The following MYZAP variants were observed in gnomAD, a reference collection of about 807,000 sequenced individuals.
The protein encoded by MYZAP is GRINL1A complex locus upstream.
MYZAP carries 66 observed loss-of-function variants against 69.4 expected under a neutral mutation model. The ratio of observed to expected loss-of-function variants is 0.95; its 90% CI spans 0.78 to 1.17. MYZAP has a LOEUF of 1.17. Among genes scored for constraint, MYZAP ranks in the 50% most tolerant of loss-of-function variants. The probability of loss-of-function intolerance (pLI) is 0.00; values close to 1 mark genes in which losing one functional copy is unlikely to be tolerated. For synonymous variants in MYZAP, 256 were observed against 205.9 expected (o/e 1.24, Z -2.09); for missense variants, 611 against 556.2 (o/e 1.10, Z -0.99).
rs190415063 is a variant in MYZAP at position 57,664,218 on chromosome 15, T to A, written c.1203+2685T>A. On this transcript the variant is annotated intron_variant, in intron 11 of 12. Transcript: ENST00000267853. ...GGATACCTTCTCTAAATTGCTAAGATTAGAGGATGTGGGTTACATAGGTTC... is the reference window on the plus strand; with the variant it reads ...GGATACCTTCTCTAAATTGCTAAGAATAGAGGATGTGGGTTACATAGGTTC... Among the ~76,000 whole-genome samples, 4 of 152,206 alleles carry A rather than the reference T, an allele frequency of 2.6e-5. No individual in the cohort carries two copies. In the East Asian group the frequency reaches 7.7e-4, roughly 29 times the overall value.
intron 9 of MYZAP, 111 bp from the exon 10 acceptor site, chr15:57,639,329 G>A: frequency 2.6e-6 from 3 of 1,173,818 alleles, no homozygotes; most frequent in Non-Finnish European, 3.6e-6. Flanking sequence ...TTACAGGCAT[G>A]AGCCGCCATG....
At chr15:57,655,523 C>T (rs1359730562) in intron 10 of MYZAP, among the ~76,000 whole-genome samples, 1 of 152,100 alleles carries the variant, frequency 6.6e-6, no homozygotes, top group Non-Finnish European at 1.5e-5. Context: ...CCATGGGTTT[C>T]CAGCGTGTGG....
chr15:57,632,561 T>C lies in MYZAP; in HGVS notation c.804+2T>C, dbSNP rs1453814691. 4.3e-6 allele frequency: 7 copies of C among 1,613,676 alleles called. No homozygotes were observed. Among genetic ancestry groups the C allele is most frequent in the African/African-American group, 4.0e-5 (3 of 74,908 alleles). ...AGTGCTGAGAAGGAGGCTCTTTTGG[T>C]GTGTGTGTTGTAGCTGCCGATGTAA... On this transcript the variant is annotated splice_donor_variant, in intron 7 of 12. Transcript: ENST00000267853. LOFTEE classifies it high-confidence loss of function.
At position 57,595,795 on chromosome 15, in the gene MYZAP, A is replaced by T. The variant is rs2034019372; in HGVS notation, c.75+3686A>T. ...AAACCCAACAAGGTCACAGGATAGGACTATCTCCTAGCCTGCCCTTGCTGA... is the reference window on the plus strand; with the variant it reads ...AAACCCAACAAGGTCACAGGATAGGTCTATCTCCTAGCCTGCCCTTGCTGA... On this transcript the variant is annotated intron_variant, in intron 1 of 12. Transcript: ENST00000267853. 2.0e-5 allele frequency among the ~76,000 whole-genome samples: 3 copies of T among 152,140 alleles called. No individual in the cohort carries two copies. In the South Asian group the frequency reaches 6.2e-4, roughly 32 times the overall value.
intron 10 of MYZAP, among the ~76,000 whole-genome samples, chr15:57,651,720 A>AT (rs1196548854): frequency 6.6e-6 from 1 of 152,238 alleles, no homozygotes; most frequent in Non-Finnish European, 1.5e-5. Context: ...GGATAACCAC[A>AT]TAGGGTTGTT....
At chr15:57,645,474 G>C (rs2037396269) in intron 10 of MYZAP, among the ~76,000 whole-genome samples, 1 of 152,194 alleles carries the variant, frequency 6.6e-6, no homozygotes. Flanking sequence ...ATGGACTTTA[G>C]CATCAGACAA....
At chr15:57,673,057 T>C (rs1946357) in intron 11 of MYZAP, among the ~76,000 whole-genome samples, 7,653 of 152,268 alleles carry the variant, frequency 0.05, 554 homozygotes, top group African/African-American at 0.16. Flanking sequence ...ATAGTAGATA[T>C]ACAATAATTT....
At chr15:57,649,274 T>C (rs748196162) in intron 10 of MYZAP, among the ~76,000 whole-genome samples, 1 of 152,228 alleles carries the variant, frequency 6.6e-6, no homozygotes, top group Non-Finnish European at 1.5e-5. Context: ...CTTTTCTAGA[T>C]ATTGCCCAAT....
At chr15:57,680,963 G>A (rs1567245285) in intron 12 of MYZAP, among the ~76,000 whole-genome samples, 1 of 152,228 alleles carries the variant, frequency 6.6e-6, no homozygotes, top group Non-Finnish European at 1.5e-5. Context: ...AAGGCAAATG[G>A]TTGGGTTTCA....
chr15:57,665,132 G>A (rs756023978), intron 11 of MYZAP, among the ~76,000 whole-genome samples: 1 of 152,210 alleles, frequency 6.6e-6, no homozygotes, highest in Non-Finnish European at 1.5e-5. Flanking sequence ...AAACTCAGCT[G>A]TGTGATAATT....
intron 10 of MYZAP, among the ~76,000 whole-genome samples, chr15:57,641,185 A>G (rs1177274594): frequency 6.6e-6 from 1 of 152,016 alleles, no homozygotes; most frequent in East Asian, 1.9e-4. Flanking sequence ...AAAACCTCAT[A>G]CTGGTTGGCT....
intron 8 of MYZAP, among the ~76,000 whole-genome samples, chr15:57,635,093 A>G (rs1241472412): frequency 2.0e-5 from 3 of 152,190 alleles, no homozygotes; most frequent in African/African-American, 7.2e-5. Context: ...AACCACAGGT[A>G]GTGGTCATGA....
intron 10 of MYZAP, among the ~76,000 whole-genome samples, chr15:57,643,870 A>T (rs2037302564): frequency 6.6e-6 from 1 of 151,676 alleles, no homozygotes; most frequent in Non-Finnish European, 1.5e-5. Context: ...GTCTGAAGGG[A>T]GTTTCTTTTC....
At chr15:57,623,997 A>G (rs559983153) in intron 4 of MYZAP, among the ~76,000 whole-genome samples, 16 of 152,356 alleles carry the variant, frequency 1.1e-4, no homozygotes, top group African/African-American at 3.6e-4. Context: ...TAATCCAGAA[A>G]GTAACTAACA....
chr15:57,681,785 A>G (rs77494473), intron 12 of MYZAP, among the ~76,000 whole-genome samples: 1 of 147,634 alleles, frequency 6.8e-6, no homozygotes, highest in Non-Finnish European at 1.5e-5. Context: ...ATTTGGTCTC[A>G]AAAAAAAAAA....
chr15:57,662,863 C>T (rs1050500944), intron 11 of MYZAP, among the ~76,000 whole-genome samples: 3 of 152,180 alleles, frequency 2.0e-5, no homozygotes, highest in African/African-American at 7.2e-5. Flanking sequence ...TGCCTTACAG[C>T]AGTCATAACC....
At chr15:57,599,352 AT>A (rs58670224) in intron 1 of MYZAP, 63,749 of 494,568 alleles carry the variant, frequency 0.13, 62 homozygotes, top group South Asian at 0.15. Flanking sequence ...GGAGGCCAGC[AT>A]TTTTTTTTTT....
Position 57,618,017 on chromosome 15 carries a change from T to C in MYZAP, c.163-16T>C, listed in dbSNP as rs1346510543. On this transcript the variant is annotated splice_polypyrimidine_tract_variant and intron_variant, in intron 2 of 12. Coordinates refer to ENST00000267853, the MANE Select transcript of MYZAP (RefSeq NM_001018100.5). ...AAGAGTCATTATTCTTTTTTTCTTT[T>C]CCTACTTTCTTTTAGCTTCTTGACC... 10 of 1,606,964 alleles carry C rather than the reference T, an allele frequency of 6.2e-6. No individual in the cohort carries two copies. Among genetic ancestry groups the C allele is most frequent in the African/African-American group, 1.3e-5 (1 of 74,242 alleles).
intron 9 of MYZAP, among the ~76,000 whole-genome samples, chr15:57,638,872 A>G (rs57438677): frequency 0.054 from 8,174 of 152,208 alleles, 355 homozygotes; most frequent in African/African-American, 0.11. Context: ...CTCCCCTCCA[A>G]GTAATTTACT....
Sources: gnomAD v4.1 joint callset for allele counts (sites outside exome capture counted in the v4.1 genomes callset) on GRCh38, gnomAD v4.1.1 for gene constraint, MANE v1.5 for transcripts, NCBI Gene and HGNC (gene_info 2026-07-23, HGNC 2026-07-21) for gene names.